The following DDR2 variants were observed in gnomAD, a reference collection of about 807,000 sequenced individuals.
DDR2 encodes discoidin domain-containing receptor 2.
DDR2 carries 27 observed loss-of-function variants against 94.9 expected under a neutral mutation model. The ratio of observed to expected loss-of-function variants is 0.28; its 90% CI spans 0.21 to 0.39. The LOEUF (loss-of-function observed/expected upper bound fraction) is 0.39. Among genes scored for constraint, DDR2 ranks in the 10% least tolerant of loss-of-function variants. The probability of loss-of-function intolerance (pLI) is 1.00; values close to 1 mark genes in which losing one functional copy is unlikely to be tolerated. For synonymous variants in DDR2, 382 were observed against 377.2 expected, an observed-to-expected ratio of 1.01 and a Z score of -0.15; for missense variants, 783 against 1,076.0, an observed-to-expected ratio of 0.73 and a Z score of 3.81.
chr1:162,763,446 G>A (rs2800278), intron 9 of DDR2, among the ~76,000 whole-genome samples: 119,052 of 146,908 alleles, frequency 0.81, 49,554 homozygotes, highest in Non-Finnish European at 0.92. Flanking sequence ...CGATCCAGCC[G>A]CCTAGGCCTC....
At chr1:162,771,301 G>C (rs1664255440) in intron 12 of DDR2, among the ~76,000 whole-genome samples, 1 of 152,198 alleles carries the variant, frequency 6.6e-6, no homozygotes, top group African/African-American at 2.4e-5. Context: ...GTTCAGGAGA[G>C]AGGAGCTAGG....
intron 12 of DDR2, among the ~76,000 whole-genome samples, chr1:162,771,096 A>G (rs1386928487): frequency 6.6e-6 from 1 of 152,246 alleles, no homozygotes; most frequent in Non-Finnish European, 1.5e-5. Flanking sequence ...CCTTTTCTCA[A>G]TAAAAGCATT....
rs1487004300 is a variant in DDR2 at position 162,772,058 on chromosome 1, T to C, written c.1539T>C (p.Ser513=). Residue 513 remains serine (S), a synonymous_variant, in exon 13 of 18, where the codon AGT becomes AGC. Transcript: ENST00000367921. ...CSGVVKPVQP[S]GPEGVPHYAE... is the part of the protein sequence containing the mutation. Reference sequence around the variant, plus strand: ...GTGTTGTGAAGCCAGTCCAGCCCAGTGGCCCTGAGGGGGTGCCCCACTATG... The same window carrying C: ...GTGTTGTGAAGCCAGTCCAGCCCAGCGGCCCTGAGGGGGTGCCCCACTATG... The C allele has an allele frequency of 6.2e-7, 1 of 1,612,750 alleles. No individual in the cohort carries two copies. Among genetic ancestry groups the C allele is most frequent in the Non-Finnish European group, 8.5e-7 (1 of 1,179,568 alleles).
chr1:162,669,990 A>T (rs759471637), intron 2 of DDR2, among the ~76,000 whole-genome samples: 1 of 152,224 alleles, frequency 6.6e-6, no homozygotes, highest in Non-Finnish European at 1.5e-5. Flanking sequence ...TATAGACATT[A>T]TCAACTAATA....
chr1:162,768,045 G>C (rs570337649), intron 11 of DDR2, among the ~76,000 whole-genome samples: 1 of 152,212 alleles, frequency 6.6e-6, no homozygotes, highest in African/African-American at 2.4e-5. Flanking sequence ...ACCTCATTGA[G>C]TAATAACTCA....
intron 2 of DDR2, among the ~76,000 whole-genome samples, chr1:162,685,513 C>A (rs1380936728): frequency 6.6e-6 from 1 of 151,986 alleles, no homozygotes. Context: ...TGGGTCTAAT[C>A]TCAGGGCTCT....
intron 3 of DDR2, among the ~76,000 whole-genome samples, chr1:162,726,446 G>A (rs750728368): frequency 2.0e-5 from 3 of 152,018 alleles, no homozygotes; most frequent in African/African-American, 4.8e-5. Context: ...GTGAATTCCC[G>A]GTTCATACCC....
At chr1:162,779,669 G>T (rs978386010) in intron 17 of DDR2, among the ~76,000 whole-genome samples, 3 of 152,198 alleles carry the variant, frequency 2.0e-5, no homozygotes, top group African/African-American at 4.8e-5. Context: ...GAGGCAATTT[G>T]CCTTCTTACT....
At chr1:162,673,608 TGAGAGAGAGAGA>T (rs10684469) in intron 2 of DDR2, among the ~76,000 whole-genome samples, 5,747 of 117,232 alleles carry the variant, frequency 0.049, 390 homozygotes, top group African/African-American at 0.16. Context: ...TGTGTGTGTG[TGAGAGAGAGAGA>T]GAGAGAGAGA....
At chr1:162,757,883 A>T (rs1346830917) in intron 7 of DDR2, among the ~76,000 whole-genome samples, 1 of 152,216 alleles carries the variant, frequency 6.6e-6, no homozygotes, top group Non-Finnish European at 1.5e-5. Context: ...GCAAAACAGT[A>T]GGGTGAGAAA....
Position 162,754,852 on chromosome 1 carries a change from A to G in DDR2, c.414A>G (p.Lys138=). The G allele has an allele frequency of 6.2e-7, 1 of 1,614,010 alleles. No individual in the cohort carries two copies. Among genetic ancestry groups the G allele is most frequent in the Non-Finnish European group, 8.5e-7 (1 of 1,179,966 alleles). ...TCTCTTGGCGGAACCGTCATGGGAA[A>G]CAGGTAGGAAGAAGAGACATCCAGA... The part of the protein sequence containing the change: ...RWISWRNRHG[K]QVLDGNSNPY... The change falls in exon 5 of 18, where the codon AAA becomes AAG. Residue 138 remains lysine, a synonymous_variant. Transcript: ENST00000367921.
Position 162,719,025 on chromosome 1 carries a change from G to A in DDR2, c.-27-12G>A. 1.9e-6 allele frequency: 3 copies of A among 1,612,380 alleles called. No individual in the cohort carries two copies. Among genetic ancestry groups the A allele is most frequent in the Non-Finnish European group, 2.5e-6 (3 of 1,178,686 alleles). On this transcript the variant is annotated splice_polypyrimidine_tract_variant and intron_variant, in intron 2 of 17. Coordinates refer to ENST00000367921, the MANE Select transcript of DDR2 (RefSeq NM_006182.4). Reference sequence around the variant, plus strand: ...TCTCTTTCTGTTTTCTTGCATTATTGGTTGGTGGCAGACTCCAGTTCCAAC... The same window carrying A: ...TCTCTTTCTGTTTTCTTGCATTATTAGTTGGTGGCAGACTCCAGTTCCAAC...
chr1:162,633,933 C>T (rs530231370), intron 1 of DDR2, among the ~76,000 whole-genome samples: 2 of 152,320 alleles, frequency 1.3e-5, no homozygotes, highest in Admixed American at 1.3e-4. Flanking sequence ...CATGTAAGGA[C>T]ATTAACGCTT....
At chr1:162,763,637 A>G (rs1226159715) in intron 9 of DDR2, among the ~76,000 whole-genome samples, 1 of 152,122 alleles carries the variant, frequency 6.6e-6, no homozygotes, top group East Asian at 1.9e-4. Context: ...GGAATCAACC[A>G]TTTCAAGAAA....
chr1:162,692,807 A>T (rs1446165679), intron 2 of DDR2, among the ~76,000 whole-genome samples: 2 of 152,268 alleles, frequency 1.3e-5, no homozygotes, highest in Non-Finnish European at 2.9e-5. Flanking sequence ...ATGACCCAGC[A>T]TATGATATGA....
chr1:162,641,053 C>T (rs1657107693), intron 1 of DDR2, among the ~76,000 whole-genome samples: 1 of 152,124 alleles, frequency 6.6e-6, no homozygotes, highest in Admixed American at 6.6e-5. Context: ...ACTGGACCCA[C>T]CCTCATTGAG....
chr1:162,757,146 A>C (rs372103666), intron 7 of DDR2, among the ~76,000 whole-genome samples: 214 of 152,364 alleles, frequency 1.4e-3, no homozygotes, highest in South Asian at 2.9e-3. Context: ...GGATGAAAAC[A>C]TCTGGATTTC....
chr1:162,677,709 C>T (rs1391061690), intron 2 of DDR2, among the ~76,000 whole-genome samples: 1 of 152,200 alleles, frequency 6.6e-6, no homozygotes. Flanking sequence ...CACCTGGGAA[C>T]CAGGCAGAAA....
chr1:162,770,762 CAT>C (rs1463623107), intron 12 of DDR2: 9 of 580,362 alleles, frequency 1.6e-5, no homozygotes, highest in Non-Finnish European at 2.9e-5. Context: ...AATAATAAAA[CAT>C]GTGAATTAGG....
Sources: allele counts gnomAD v4.1 joint callset (sites outside exome capture counted in the v4.1 genomes callset), GRCh38; gene constraint gnomAD v4.1.1; transcripts MANE v1.5; gene names NCBI Gene and HGNC (gene_info 2026-07-23, HGNC 2026-07-21).